The following TTC13 variants were observed in gnomAD, a reference collection of about 807,000 sequenced individuals.
The protein encoded by TTC13 is tetratricopeptide repeat domain 13.
Under a neutral mutation model 120.0 loss-of-function variants are expected in TTC13, and 62 were observed. That is an observed-to-expected ratio of 0.52 (90% CI 0.42 to 0.64). The LOEUF (loss-of-function observed/expected upper bound fraction) is 0.64, where lower values mean the gene tolerates loss of function less well. Among genes scored for constraint, TTC13 ranks in the 30% least tolerant of loss-of-function variants. The pLI, the probability that TTC13 is intolerant of heterozygous loss-of-function variation, is 0.00. For synonymous variants in TTC13, 384 were observed against 393.5 expected, an observed-to-expected ratio of 0.98 and a Z score of 0.28; for missense variants, 824 against 1,050.2, an observed-to-expected ratio of 0.78 and a Z score of 2.98.
At chr1:230,945,019 T>G (rs1317262057) in intron 5 of TTC13, among the ~76,000 whole-genome samples, 1 of 152,176 alleles carries the variant, frequency 6.6e-6, no homozygotes. Flanking sequence ...TAAAGATAAA[T>G]TTTACATGCC....
intron 10 of TTC13, 26 bp from the exon 11 acceptor site, chr1:230,931,498 T>C: frequency 6.2e-7 from 1 of 1,608,910 alleles, no homozygotes; most frequent in Non-Finnish European, 8.5e-7. Flanking sequence ...TGCATTAGTA[T>C]CAACACAGTT....
intron 15 of TTC13, 109 bp from the exon 16 acceptor site, chr1:230,921,613 G>A: frequency 1.6e-6 from 1 of 628,750 alleles, no homozygotes; most frequent in South Asian, 2.3e-5. Flanking sequence ...TGAGAATAAT[G>A]TAGAAAAAAA....
chr1:230,935,810 CA>C (rs2102857958), intron 8 of TTC13, among the ~76,000 whole-genome samples: 1 of 152,258 alleles, frequency 6.6e-6, no homozygotes, highest in South Asian at 2.1e-4. Context: ...GGAGTTGCTG[CA>C]GTAGTTGGAG....
At chr1:230,921,294 C>G in intron 16 of TTC13, 127 bp downstream of exon 16, 1 of 571,162 alleles carries the variant, frequency 1.8e-6, no homozygotes, top group Non-Finnish European at 3.1e-6. Flanking sequence ...ATTCTAAACA[C>G]TGTGTAAAAA....
intron 17 of TTC13, among the ~76,000 whole-genome samples, chr1:230,917,030 A>T (rs1271515543): frequency 6.6e-6 from 1 of 152,094 alleles, no homozygotes; most frequent in East Asian, 1.9e-4. Context: ...AAGAGAAGCA[A>T]CAGTAAAGTA....
chr1:230,943,797 C>A lies in TTC13; in HGVS notation c.672+9G>T. On this transcript the variant is annotated intron_variant, in intron 6 of 22. Transcript: ENST00000366661. ...ATAATGACAGAGGGAAAAAGAAAGC[C>A]ACACTCACTTCTGCTCGCTGCTCAA... The A allele has an allele frequency of 6.3e-7, 1 of 1,590,332 alleles. No homozygotes were observed. Among genetic ancestry groups the A allele is most frequent in the Non-Finnish European group, 8.6e-7 (1 of 1,167,280 alleles).
chr1:230,964,149 A>C (rs11122166), intron 1 of TTC13, among the ~76,000 whole-genome samples: 48,418 of 151,974 alleles, frequency 0.32, 7,812 homozygotes, highest in Middle Eastern at 0.48. Context: ...ACACCTACAT[A>C]ATTTTAAAAG....
chr1:230,978,812 A>G lies in TTC13; in HGVS notation c.19T>C (p.Cys7Arg). 3.4e-6 allele frequency: 5 copies of G among 1,487,736 alleles called. No individual in the cohort carries two copies. Among genetic ancestry groups the G allele is most frequent in the Non-Finnish European group, 4.4e-6 (5 of 1,128,902 alleles). 92.2% of individuals were successfully genotyped at this position (1,487,736 alleles called of 1,614,324 possible). The change falls in exon 1 of 23, where the codon TGC becomes CGC. Residue 7 changes from cysteine to arginine, a missense_variant. By Grantham distance (180) the Cys-to-Arg change is radical (BLOSUM62 -3). Transcript: ENST00000366661. This position sits in a 1 kb window ranked among gnomAD's most constrained non-coding sequence, Gnocchi z 5.6. MAPAGC[C>R]CCCCFWGGAV... ...CCGCCCCAGAAGCAGCAGCAGCAGC[A>G]GCAGCCGGCAGGTGCCATCTTCCCT...
intron 4 of TTC13, among the ~76,000 whole-genome samples, chr1:230,948,398 T>TAAAAAAA (rs1675212536): frequency 3.6e-5 from 1 of 28,152 alleles, no homozygotes; most frequent in Non-Finnish European, 7.6e-5. Flanking sequence ...CAACTCACAA[T>TAAAAAAA]ACAAAAAAAA....
intron 1 of TTC13, among the ~76,000 whole-genome samples, chr1:230,975,584 CA>C (rs1359585523): frequency 2.0e-5 from 3 of 152,004 alleles, no homozygotes; most frequent in Non-Finnish European, 4.4e-5. Context: ...ATACAGTGTT[CA>C]TTTTTTTAAA....
intron 17 of TTC13, among the ~76,000 whole-genome samples, chr1:230,917,633 G>A (rs910346637): frequency 4.6e-5 from 7 of 152,008 alleles, no homozygotes; most frequent in African/African-American, 7.3e-5. Context: ...TCATCCCACC[G>A]CAGAGAACAA....
chr1:230,949,384 T>G (rs1461725611), intron 4 of TTC13, among the ~76,000 whole-genome samples: 1 of 72,036 alleles, frequency 1.4e-5, no homozygotes, highest in Non-Finnish European at 3.1e-5. Context: ...AACATTTTTA[T>G]AGTAATAAAA....
intron 18 of TTC13, among the ~76,000 whole-genome samples, chr1:230,913,642 A>C (rs1671721293): frequency 6.6e-6 from 1 of 152,238 alleles, no homozygotes; most frequent in Non-Finnish European, 1.5e-5. Context: ...ACTTCTGGCC[A>C]AGGGCCACAA....
rs1436032992 is a variant in TTC13, at chr1:230,931,877, T to C, written c.984A>G (p.Arg328=). ...TGGCTGCTTCAAAATTGCCCAGTTC[T>C]CTAGGTATTTAATAATAGTTATGAA... ...DAYKSLGQAY[R]ELGNFEAATE... is the part of the protein sequence containing the mutation. The change falls in exon 10 of 23, where the codon AGA becomes AGG. Residue 328 remains arginine, a splice_region_variant and synonymous_variant. Coordinates refer to ENST00000366661, the MANE Select transcript of TTC13 (RefSeq NM_024525.5). 1.2e-6 allele frequency: 2 copies of C among 1,613,808 alleles called. No homozygotes were observed. Among genetic ancestry groups the C allele is most frequent in the South Asian group, 1.1e-5 (1 of 91,072 alleles).
At chr1:230,917,959 G>T (rs957896696) in intron 17 of TTC13, among the ~76,000 whole-genome samples, 2 of 152,302 alleles carry the variant, frequency 1.3e-5, no homozygotes, top group African/African-American at 4.8e-5. Context: ...CCTGGGGGGC[G>T]CTGGGGAAAT....
At chr1:230,971,663 C>T (rs1403923047) in intron 1 of TTC13, among the ~76,000 whole-genome samples, 1 of 152,098 alleles carries the variant, frequency 6.6e-6, no homozygotes, top group Admixed American at 6.6e-5. Flanking sequence ...TTTAACAAAG[C>T]TTGAATGTAA....
chr1:230,956,125 G>A (rs968685720), intron 3 of TTC13, among the ~76,000 whole-genome samples: 2 of 152,218 alleles, frequency 1.3e-5, no homozygotes, highest in Non-Finnish European at 1.5e-5. Flanking sequence ...TGCAGACAAG[G>A]AAATAAAGTA....
chr1:230,916,135 CA>C (rs1572181564), intron 18 of TTC13, 57 bp downstream of exon 18: 2 of 1,272,412 alleles, frequency 1.6e-6, no homozygotes, highest in Non-Finnish European at 1.2e-6. Flanking sequence ...TGACAATAAG[CA>C]CAGGCACCCT....
At chr1:230,973,733 A>AGAT (rs1677987924) in intron 1 of TTC13, among the ~76,000 whole-genome samples, 1 of 152,220 alleles carries the variant, frequency 6.6e-6, no homozygotes. Context: ...AAAGAGTATA[A>AGAT]AGATATAATT....
Sources: allele counts gnomAD v4.1 joint callset (sites outside exome capture counted in the v4.1 genomes callset), GRCh38; gene constraint gnomAD v4.1.1; non-coding constraint Gnocchi (gnomAD v3.1); transcripts MANE v1.5; gene names NCBI Gene and HGNC (gene_info 2026-07-23, HGNC 2026-07-21).